COL4A3: variants seen among roughly 807,000 people sequenced by gnomAD.
The protein encoded by COL4A3 is collagen alpha-3(IV) chain.
In COL4A3, 135 loss-of-function variants were observed where a neutral mutation model predicts 217.4. The ratio of observed to expected loss-of-function variants is 0.62; its 90% CI spans 0.54 to 0.72. COL4A3 has a LOEUF of 0.72. Ranked by LOEUF, COL4A3 falls within the 30% of genes least tolerant of loss-of-function variation. The probability of loss-of-function intolerance (pLI) is 0.00; values close to 1 mark genes in which losing one functional copy is unlikely to be tolerated. For synonymous variants in COL4A3, 690 were observed against 736.3 expected, an observed-to-expected ratio of 0.94 and a Z score of 1.02; for missense variants, 1,868 against 2,119.9, an observed-to-expected ratio of 0.88 and a Z score of 2.33.
intron 26 of COL4A3, among the ~76,000 whole-genome samples, chr2:227,273,416 T>C (rs1020211678): frequency 6.6e-6 from 1 of 152,064 alleles, no homozygotes; most frequent in Non-Finnish European, 1.5e-5. Flanking sequence ...TTTTTTGTGG[T>C]TTTCTAGAGA....
At chr2:227,247,800 A>G (rs1339431657) in intron 8 of COL4A3, among the ~76,000 whole-genome samples, 2 of 152,192 alleles carry the variant, frequency 1.3e-5, no homozygotes, top group Non-Finnish European at 2.9e-5. Context: ...CAGGTTTTGT[A>G]TCACTGTTGA....
chr2:227,294,463 T>C, intron 38 of COL4A3, 27 bp from the exon 39 acceptor site: 1 of 1,446,312 alleles, frequency 6.9e-7, no homozygotes, highest in Non-Finnish European at 9.7e-7. Flanking sequence ...TGATCTTTTT[T>C]CTTCCTTCCC....
At chr2:227,286,223 G>A (rs1383531418) in intron 34 of COL4A3, among the ~76,000 whole-genome samples, 2 of 152,048 alleles carry the variant, frequency 1.3e-5, no homozygotes, top group African/African-American at 4.8e-5. Context: ...TGGGCACAGT[G>A]GCTCACGGCT....
At chr2:227,272,333 A>G (rs12619189) in intron 25 of COL4A3, among the ~76,000 whole-genome samples, 20,430 of 152,236 alleles carry the variant, frequency 0.13, 1,366 homozygotes, top group Non-Finnish European at 0.15. Flanking sequence ...TTAAAAAAGG[A>G]GACAGACCAC....
At chr2:227,236,186 G>A (rs1159562753) in intron 1 of COL4A3, among the ~76,000 whole-genome samples, 1 of 152,144 alleles carries the variant, frequency 6.6e-6, no homozygotes, top group Non-Finnish European at 1.5e-5. Flanking sequence ...TTGCAATTGC[G>A]AATAGTCCTG....
At chr2:227,195,400 G>C (rs1424661996) in intron 1 of COL4A3, among the ~76,000 whole-genome samples, 1 of 152,062 alleles carries the variant, frequency 6.6e-6, no homozygotes, top group Non-Finnish European at 1.5e-5. Flanking sequence ...CATGTACAAT[G>C]GTGGCCCATA....
At chr2:227,181,654 C>T (rs1212018593) in intron 1 of COL4A3, among the ~76,000 whole-genome samples, 1 of 152,126 alleles carries the variant, frequency 6.6e-6, no homozygotes, top group African/African-American at 2.4e-5. Context: ...TATGGTATTA[C>T]GTATCCGGCT....
Position 227,254,094 on chromosome 2 carries a change from G to A in COL4A3, c.766-18G>A, listed in dbSNP as rs747979104. ...CATTTCATCCATTTGTAACAATGTT[G>A]AACTGTTTCTTTGGCAGGACCTCAA... On this transcript the variant is annotated intron_variant, in intron 13 of 51. Transcript: ENST00000396578. The A allele has an allele frequency of 1.2e-5, 20 of 1,611,238 alleles. No individual in the cohort carries two copies. The highest frequency in any genetic ancestry group is 1.7e-5 in the Non-Finnish European group (20 of 1,177,634).
intron 1 of COL4A3, among the ~76,000 whole-genome samples, chr2:227,209,474 C>A (rs1443320406): frequency 1.3e-5 from 2 of 152,144 alleles, no homozygotes; most frequent in Non-Finnish European, 2.9e-5. Flanking sequence ...CAGTACTAGC[C>A]CCATCTCTTC....
chr2:227,279,962 T>C (rs1365579059), intron 29 of COL4A3, 72 bp downstream of exon 29: 1 of 917,386 alleles, frequency 1.1e-6, no homozygotes. Flanking sequence ...TATGCACTTA[T>C]CTGGCAGAGC....
intron 1 of COL4A3, among the ~76,000 whole-genome samples, chr2:227,180,892 AGTTTCTT>A (rs781368467): frequency 1.2e-4 from 18 of 152,160 alleles, no homozygotes; most frequent in Admixed American, 2.0e-4. Flanking sequence ...TGCATTAAGG[AGTTTCTT>A]GTTTTTGAAA....
chr2:227,241,044 G>C (rs1405778526), intron 3 of COL4A3, among the ~76,000 whole-genome samples: 1 of 151,994 alleles, frequency 6.6e-6, no homozygotes, highest in East Asian at 1.9e-4. Context: ...CCCTTCCTTT[G>C]TGGGTTTCTC....
At chr2:227,308,634 T>A (rs1236680296) in intron 48 of COL4A3, among the ~76,000 whole-genome samples, 37 of 152,222 alleles carry the variant, frequency 2.4e-4, no homozygotes, top group Non-Finnish European at 4.4e-5. Flanking sequence ...TCCCAACTGA[T>A]CTATGCTAGC....
chr2:227,236,384 A>C (rs77059573), intron 1 of COL4A3, among the ~76,000 whole-genome samples: 16,204 of 152,182 alleles, frequency 0.11, 1,000 homozygotes, highest in East Asian at 0.28. Flanking sequence ...ACTGCCCAAG[A>C]CTAAGGAAAG....
At position 227,282,008 on chromosome 2, in the gene COL4A3, A is replaced by G. The variant is rs1010354640; in HGVS notation, c.2489-357A>G. On this transcript the variant is annotated intron_variant, in intron 31 of 51. Coordinates refer to ENST00000396578, the MANE Select transcript of COL4A3 (RefSeq NM_000091.5). This position sits in a 1 kb window ranked among gnomAD's most constrained non-coding sequence, Gnocchi z 4.4. ...CTAAAGTGGCCGGGTGCAGTGGCTC[A>G]TGCCTGTAATCCCAGCACTATGGGA... Among the ~76,000 whole-genome samples, 1 of 152,220 alleles carries G rather than the reference A, an allele frequency of 6.6e-6. No homozygotes were observed. The highest frequency in any genetic ancestry group is 6.5e-5 in the Admixed American group (1 of 15,284).
At chr2:227,169,679 A>T (rs112950473) in intron 1 of COL4A3, among the ~76,000 whole-genome samples, 7,342 of 151,850 alleles carry the variant, frequency 0.048, 226 homozygotes, top group Admixed American at 0.085. Flanking sequence ...TTTGGCTGCA[A>T]AAATGTCTTC....
rs1232931212 is a variant in COL4A3, at chr2:227,227,527, C to CA, written c.88-10430dup. ...TGGGTGACAGAGCAAGACTCCATCTCAAAAAAAAAAAGAAGAAGAAGAAAT... is the reference window on the plus strand; with the variant it reads ...TGGGTGACAGAGCAAGACTCCATCTCAAAAAAAAAAAAGAAGAAGAAGAAAT... On this transcript the variant is annotated intron_variant, in intron 1 of 51. Transcript: ENST00000396578. Among the ~76,000 whole-genome samples, 241 of 143,116 alleles carry CA rather than the reference C, an allele frequency of 1.7e-3. 2 individuals are homozygous for CA. The highest frequency in any genetic ancestry group is 2.4e-3 in the East Asian group (12 of 5,016). 93.9% of individuals were successfully genotyped at this position (143,116 alleles called of 152,430 possible). A position where few individuals can be genotyped will look rare whatever the true frequency, so the allele number is the denominator to read the frequency against.
chr2:227,307,618 AACAT>A, intron 47 of COL4A3, 88 bp from the exon 48 acceptor site: 1 of 1,067,768 alleles, frequency 9.4e-7, no homozygotes, highest in East Asian at 2.6e-5. Flanking sequence ...TTATGGGCTC[AACAT>A]ATATAAAATA....
intron 1 of COL4A3, among the ~76,000 whole-genome samples, chr2:227,168,521 AT>A (rs1197930995): frequency 4.6e-5 from 7 of 152,206 alleles, no homozygotes; most frequent in African/African-American, 1.7e-4. Context: ...AGTTATTTAT[AT>A]ATTTGGATAC....
Sources: gnomAD v4.1 joint callset for allele counts (sites outside exome capture counted in the v4.1 genomes callset) on GRCh38, gnomAD v4.1.1 for gene constraint, Gnocchi (gnomAD v3.1) non-coding constraint, MANE v1.5 for transcripts, NCBI Gene and HGNC (gene_info 2026-07-23, HGNC 2026-07-21) for gene names.